The following MAPT variants were observed in gnomAD, a reference collection of about 807,000 sequenced individuals.
The protein encoded by MAPT is microtubule-associated protein tau.
A neutral mutation model predicts 67.9 loss-of-function variants in MAPT; 34 were observed. That is an observed-to-expected ratio of 0.50 (90% CI 0.38 to 0.67). The LOEUF (loss-of-function observed/expected upper bound fraction) is 0.67, where lower values mean the gene tolerates loss of function less well. MAPT is among the 30% of genes least tolerant of loss of function. The probability of loss-of-function intolerance (pLI) is 0.00; values close to 1 mark genes in which losing one functional copy is unlikely to be tolerated. For missense variants in MAPT, 881 were observed against 1,115.2 expected, an observed-to-expected ratio of 0.79 and a Z score of 2.99; for synonymous variants, 456 against 464.5, an observed-to-expected ratio of 0.98 and a Z score of 0.23.
chr17:45,982,764 G>T, intron 4 of MAPT, 102 bp from the exon 5 acceptor site: 1 of 448,674 alleles, frequency 2.2e-6, no homozygotes, highest in Non-Finnish European at 3.1e-6. Context: ...TAGGGGGCCT[G>T]GGATGCCCTC....
chr17:45,995,497 A>G lies in MAPT; in HGVS notation c.1733-902A>G, dbSNP rs1181541636. 1.3e-5 allele frequency among the ~76,000 whole-genome samples: 2 copies of G among 152,198 alleles called. No individual in the cohort carries two copies. Among genetic ancestry groups the G allele is most frequent in the African/African-American group, 4.8e-5 (2 of 41,444 alleles). On this transcript the variant is annotated intron_variant, in intron 8 of 12. Coordinates refer to ENST00000262410, the MANE Select transcript of MAPT (RefSeq NM_001377265.1). This position sits in a 1 kb window ranked among gnomAD's most constrained non-coding sequence, Gnocchi z 4.3. ...GCCACACTTTGGAAAATACAGACCCATGAGATAGAATACCAGACTGTTGAA... is the reference window on the plus strand; with the variant it reads ...GCCACACTTTGGAAAATACAGACCCGTGAGATAGAATACCAGACTGTTGAA...
At chr17:45,904,276 ATATAT>A (rs2064079798) in intron 1 of MAPT, among the ~76,000 whole-genome samples, 3 of 54,058 alleles carry the variant, frequency 5.5e-5, no homozygotes, top group Non-Finnish European at 1.1e-4. Context: ...ATATATTTTT[ATATAT>A]ATAATATGTA....
At chr17:45,920,472 G>A (rs1190660276) in intron 1 of MAPT, among the ~76,000 whole-genome samples, 6 of 152,174 alleles carry the variant, frequency 3.9e-5, no homozygotes, top group African/African-American at 2.4e-5. Context: ...AGGGCATTGC[G>A]GTGGCCTTCT....
chr17:45,994,175 C>T (rs1024621522), intron 8 of MAPT, among the ~76,000 whole-genome samples: 10 of 152,190 alleles, frequency 6.6e-5, no homozygotes, highest in African/African-American at 2.4e-4. Flanking sequence ...GCTTTCTAAT[C>T]CTGTGTGCTC....
chr17:45,939,039 C>T (rs908392050), intron 1 of MAPT, among the ~76,000 whole-genome samples: 8 of 152,138 alleles, frequency 5.3e-5, no homozygotes, highest in Admixed American at 3.3e-4. Context: ...GTCTCAAACT[C>T]CTGATCTCAA....
At chr17:45,981,645 T>G (rs1032913339) in intron 4 of MAPT, among the ~76,000 whole-genome samples, 1 of 152,216 alleles carries the variant, frequency 6.6e-6, no homozygotes, top group African/African-American at 2.4e-5. Context: ...CCATTCTTGA[T>G]GATCACACAT....
chr17:46,017,986 A>G (rs2076291670), intron 11 of MAPT, among the ~76,000 whole-genome samples: 1 of 151,590 alleles, frequency 6.6e-6, no homozygotes, highest in African/African-American at 2.4e-5. Flanking sequence ...TCTACTGAAA[A>G]TACAAAAAAT....
In MAPT at chr17:46,024,436, G is replaced by A. The variant is rs897634606; in HGVS notation, c.*265G>A. 1 of 559,566 alleles carries A rather than the reference G, an allele frequency of 1.8e-6. No individual in the cohort carries two copies. The highest frequency in any genetic ancestry group is 1.9e-5 in the African/African-American group (1 of 53,192). 34.7% of individuals were successfully genotyped at this position (559,566 alleles called of 1,614,324 possible). A position where few individuals can be genotyped will look rare whatever the true frequency, so the allele number is the denominator to read the frequency against. ...TTAAAAAAAAACATTCAAAAACATGGCCACATCCAACATTTCCTCAGGCAA... is the reference window on the plus strand; with the variant it reads ...TTAAAAAAAAACATTCAAAAACATGACCACATCCAACATTTCCTCAGGCAA... On this transcript the variant is annotated 3_prime_UTR_variant, in exon 13 of 13. Transcript: ENST00000262410.
chr17:45,940,304 A>G (rs890622350), intron 1 of MAPT, among the ~76,000 whole-genome samples: 1 of 152,112 alleles, frequency 6.6e-6, no homozygotes, highest in Non-Finnish European at 1.5e-5. Flanking sequence ...TCCATCCTGA[A>G]CCTGCCCAAT....
chr17:45,977,557 A>C (rs1294193443), intron 3 of MAPT: 1 of 152,216 alleles, frequency 6.6e-6, no homozygotes, highest in Non-Finnish European at 1.5e-5. Flanking sequence ...ATGATGCAGA[A>C]ATAGGTGTTT....
intron 1 of MAPT, among the ~76,000 whole-genome samples, chr17:45,941,199 A>G (rs1248103567): frequency 6.6e-6 from 1 of 152,218 alleles, no homozygotes; most frequent in Non-Finnish European, 1.5e-5. Context: ...GATTAGCAAA[A>G]GAAAATAAAT....
intron 10 of MAPT, among the ~76,000 whole-genome samples, chr17:46,012,568 C>T (rs879869837): frequency 1.3e-5 from 2 of 152,090 alleles, no homozygotes; most frequent in Non-Finnish European, 2.9e-5. Flanking sequence ...AGCCTGGGGG[C>T]CCCTTCCCAG....
At chr17:45,939,641 T>C (rs2067679441) in intron 1 of MAPT, among the ~76,000 whole-genome samples, 1 of 152,204 alleles carries the variant, frequency 6.6e-6, no homozygotes, top group Admixed American at 6.5e-5. Flanking sequence ...CGAGGAGGTT[T>C]CTAATTACTC....
intron 1 of MAPT, among the ~76,000 whole-genome samples, chr17:45,907,057 C>T (rs2064362494): frequency 6.6e-6 from 1 of 152,204 alleles, no homozygotes. Flanking sequence ...CCGTCACCTG[C>T]CCTGGCCCTC....
intron 1 of MAPT, among the ~76,000 whole-genome samples, chr17:45,911,787 A>G (rs1255110200): frequency 3.3e-5 from 5 of 152,070 alleles, no homozygotes; most frequent in Non-Finnish European, 7.4e-5. Flanking sequence ...AACAACAAAA[A>G]AAAAGGCTTT....
intron 3 of MAPT, 160 bp downstream of exon 3, chr17:45,972,105 G>C: frequency 1.4e-6 from 1 of 710,380 alleles, no homozygotes. Flanking sequence ...GCCTTGCGTC[G>C]ATGCCTTGCT....
intron 1 of MAPT, among the ~76,000 whole-genome samples, chr17:45,941,661 T>C (rs2067905604): frequency 3.3e-5 from 3 of 91,548 alleles, no homozygotes; most frequent in African/African-American, 4.8e-5. Flanking sequence ...CTTCCACCCT[T>C]CCCCCCTTCC....
At chr17:46,020,558 T>C (rs1288640092) in intron 12 of MAPT, among the ~76,000 whole-genome samples, 1 of 152,170 alleles carries the variant, frequency 6.6e-6, no homozygotes, top group Non-Finnish European at 1.5e-5. Context: ...TACCCGATAC[T>C]GGGCAGTCTA....
Position 45,987,071 on chromosome 17 carries a change from T to C in MAPT, c.1383T>C (p.Thr461=), listed in dbSNP as rs1280274608. 2 of 1,614,074 alleles carry C rather than the reference T, an allele frequency of 1.2e-6. No individual in the cohort carries two copies. The highest frequency in any genetic ancestry group is 1.1e-5 in the South Asian group (1 of 91,076). The change falls in exon 6 of 13, where the codon ACT becomes ACC. Residue 461 remains threonine, a synonymous_variant. Coordinates refer to ENST00000262410, the MANE Select transcript of MAPT (RefSeq NM_001377265.1). ...TGGTCAGTAAAAGCAAAGACGGGAC[T>C]GGAAGCGATGACAAAAAAGCCAAGG... ...ARMVSKSKDG[T]GSDDKKAKTS...
Sources: gnomAD v4.1 joint callset for allele counts (sites outside exome capture counted in the v4.1 genomes callset) on GRCh38, gnomAD v4.1.1 for gene constraint, Gnocchi (gnomAD v3.1) non-coding constraint, MANE v1.5 for transcripts, NCBI Gene and HGNC (gene_info 2026-07-23, HGNC 2026-07-21) for gene names.